Variants in BMP1 observed in about 807,000 individuals in gnomAD.
BMP1 encodes the protein bone morphogenetic protein 1.
In BMP1, 63 loss-of-function variants were observed where a neutral mutation model predicts 116.8. The observed-to-expected ratio is 0.54, with a 90% CI of 0.44 to 0.67. The LOEUF (loss-of-function observed/expected upper bound fraction) is 0.67, where lower values mean the gene tolerates loss of function less well. Ranked by LOEUF, BMP1 falls within the 30% of genes least tolerant of loss-of-function variation. The probability of loss-of-function intolerance (pLI) is 0.00; values close to 1 mark genes in which losing one functional copy is unlikely to be tolerated. For synonymous variants in BMP1, 536 were observed against 533.4 expected, an observed-to-expected ratio of 1.00 and a Z score of -0.07; for missense variants, 1,183 against 1,358.9, an observed-to-expected ratio of 0.87 and a Z score of 2.04.
Position 22,207,384 on chromosome 8 carries a change from GC to G in BMP1, c.2448del (p.Val817SerfsTer52). ...LEVFDGRDAK[A>X]PVLGRFCGSK... Reference sequence around the variant, plus strand: ...GGTGTTCGACGGGCGAGACGCCAAGGCCCCCGTCCTCGGCCGCTTCTGTGGG... The same window carrying G: ...GGTGTTCGACGGGCGAGACGCCAAGGCCCCGTCCTCGGCCGCTTCTGTGGG... On this transcript the variant is annotated frameshift_variant, in exon 18 of 20. Coordinates refer to ENST00000306385, the MANE Select transcript of BMP1 (RefSeq NM_006129.5). LOFTEE classifies it high-confidence loss of function. The G allele has an allele frequency of 1.2e-6, 2 of 1,614,188 alleles. No homozygotes were observed. Among genetic ancestry groups the G allele is most frequent in the Non-Finnish European group, 1.7e-6 (2 of 1,180,018 alleles).
intron 1 of BMP1, among the ~76,000 whole-genome samples, chr8:22,168,767 A>C (rs886506823): frequency 6.7e-6 from 1 of 149,596 alleles, no homozygotes; most frequent in African/African-American, 2.4e-5. Flanking sequence ...CCTGCCCCTG[A>C]GTCACCTTCT....
In BMP1 at chr8:22,176,145, C is replaced by T; in HGVS notation, c.265C>T (p.Pro89Ser). Reference protein sequence around the residue: ...ARKSSIKAAVPGNTSTPSCQS... With the variant: ...ARKSSIKAAVSGNTSTPSCQS... ...GTCACCATGACTTCCTCTCTCAGTT[C>T]CAGGAAACACTTCTACCCCCAGCTG... The change falls in exon 3 of 20, where the codon CCA (proline) becomes TCA (serine). Residue 89 changes from proline to serine, a missense_variant and splice_region_variant. By Grantham distance (74) the Pro-to-Ser change is moderately conservative. Around this residue, in one of 4 missense-constraint regions of BMP1, gnomAD observed 185 missense variants for 158.9 expected, o/e 1.16. Coordinates refer to ENST00000306385, the MANE Select transcript of BMP1 (RefSeq NM_006129.5). 1.2e-6 allele frequency: 2 copies of T among 1,614,058 alleles called. No individual in the cohort carries two copies. The highest frequency in any genetic ancestry group is 1.7e-6 in the Non-Finnish European group (2 of 1,179,998).
intron 5 of BMP1, 30 bp downstream of exon 5, chr8:22,177,169 G>C (rs1166015600): frequency 3.2e-6 from 5 of 1,556,134 alleles, no homozygotes; most frequent in Non-Finnish European, 4.4e-6. Context: ...TGCGGCCTTG[G>C]TGGGCGGCTC....
At position 22,177,205 on chromosome 8, in the gene BMP1, C is replaced by A; in HGVS notation, c.730+66C>A. ...CCGCCCCAGCCCCCACCTCCAGGACCCCTGGGGGCAGTGGCAGCCGCTCCA... is the reference window on the plus strand; with the variant it reads ...CCGCCCCAGCCCCCACCTCCAGGACACCTGGGGGCAGTGGCAGCCGCTCCA... On this transcript the variant is annotated intron_variant, in intron 5 of 19. Transcript: ENST00000306385. 5 of 1,461,758 alleles carry A rather than the reference C, an allele frequency of 3.4e-6. No individual in the cohort carries two copies. The South Asian group carries it at 6.6e-5, about 19-fold the overall frequency. 90.5% of individuals were successfully genotyped at this position (1,461,758 alleles called of 1,614,324 possible).
At chr8:22,196,943 A>ACTCTG in intron 14 of BMP1, 103 bp downstream of exon 14, 1 of 1,390,334 alleles carries the variant, frequency 7.2e-7, no homozygotes, top group Non-Finnish European at 9.7e-7. Flanking sequence ...CGGCAGAAAC[A>ACTCTG]CTCTGCAAAT....
chr8:22,201,268 G>C, intron 15 of BMP1: 1 of 1,553,888 alleles, frequency 6.4e-7, no homozygotes, highest in East Asian at 2.3e-5. Context: ...ATGGGATGGG[G>C]GCTTCGGTGC....
intron 15 of BMP1, among the ~76,000 whole-genome samples, chr8:22,199,875 T>C (rs1395588573): frequency 1.3e-5 from 2 of 152,174 alleles, no homozygotes; most frequent in Non-Finnish European, 2.9e-5. Flanking sequence ...CTCCACCTCT[T>C]GGCCTGGTTC....
chr8:22,202,066 A>C, intron 16 of BMP1, 138 bp downstream of exon 16: 1 of 1,275,878 alleles, frequency 7.8e-7, no homozygotes, highest in Non-Finnish European at 1.1e-6. Flanking sequence ...TCCCCCACCC[A>C]CCTGGTACAT....
chr8:22,172,662 G>A (rs1255075470), intron 1 of BMP1, among the ~76,000 whole-genome samples: 25 of 139,552 alleles, frequency 1.8e-4, no homozygotes, highest in African/African-American at 6.6e-4. Context: ...GCCCAGGCTG[G>A]ATTGCAGTGG....
At chr8:22,181,879 C>T (rs192753182) in intron 8 of BMP1, among the ~76,000 whole-genome samples, 31 of 152,264 alleles carry the variant, frequency 2.0e-4, no homozygotes, top group Admixed American at 1.1e-3. Context: ...AATGTTACAA[C>T]GTCTCTTCTT....
At chr8:22,196,181 G>A (rs554191930) in intron 13 of BMP1, 2 of 522,248 alleles carry the variant, frequency 3.8e-6, no homozygotes, top group African/African-American at 3.8e-5. Flanking sequence ...CACCCACCAG[G>A]GTGTTATGAT....
intron 8 of BMP1, among the ~76,000 whole-genome samples, chr8:22,181,318 C>G (rs942805637): frequency 1.3e-5 from 2 of 152,162 alleles, no homozygotes; most frequent in African/African-American, 2.4e-5. Context: ...ACTACGGGAT[C>G]GGGTCAGAGC....
At chr8:22,177,727 C>A (rs1335741197) in intron 5 of BMP1, 125 bp from the exon 6 acceptor site, 5 of 804,782 alleles carry the variant, frequency 6.2e-6, no homozygotes, top group South Asian at 1.4e-5. Flanking sequence ...CTCCCCGGAC[C>A]CTCAGGTAGG....
intron 8 of BMP1, among the ~76,000 whole-genome samples, chr8:22,187,332 T>TATTA (rs1411489851): frequency 2.0e-5 from 3 of 148,950 alleles, no homozygotes; most frequent in African/African-American, 7.4e-5. Context: ...TTAATTAATT[T>TATTA]ATTTATTTAT....
At chr8:22,211,479 G>A in intron 19 of BMP1, 115 bp from the exon 20 acceptor site, 1 of 1,421,054 alleles carries the variant, frequency 7.0e-7, no homozygotes, top group Admixed American at 1.8e-5. Flanking sequence ...GGGGCGGGGA[G>A]AATCTGGTGG....
Position 22,196,746 on chromosome 8 carries a change from ACC to A in BMP1, c.1838_1839del (p.Pro613GlnfsTer21). 6.2e-7 allele frequency: 1 copy of A among 1,611,536 alleles called. No homozygotes were observed. The highest frequency in any genetic ancestry group is 8.5e-7 in the Non-Finnish European group (1 of 1,179,290). ...ACCAGCCCGGGCTGGCCCAAGGAGT[ACC>A]CCCCCAACAAGAACTGCATCTGGCA... is the stretch of plus-strand genomic sequence containing the variant. On this transcript the variant is annotated frameshift_variant, in exon 14 of 20. Coordinates refer to ENST00000306385, the MANE Select transcript of BMP1 (RefSeq NM_006129.5). LOFTEE classifies it high-confidence loss of function.
chr8:22,167,672 C>T (rs921402522), intron 1 of BMP1, among the ~76,000 whole-genome samples: 2 of 152,194 alleles, frequency 1.3e-5, no homozygotes, highest in Non-Finnish European at 2.9e-5. Flanking sequence ...AGCACTCCAA[C>T]TGGGTGAAGT....
intron 15 of BMP1, chr8:22,199,486 G>A (rs1474305531): frequency 1.8e-6 from 2 of 1,119,888 alleles, no homozygotes; most frequent in Non-Finnish European, 2.2e-6. Flanking sequence ...GCCCACTCCT[G>A]CCCCGGACAC....
intron 8 of BMP1, among the ~76,000 whole-genome samples, chr8:22,189,202 A>T (rs1023538535): frequency 6.6e-6 from 1 of 152,038 alleles, no homozygotes; most frequent in African/African-American, 2.4e-5. Flanking sequence ...CTAGGTATAT[A>T]TGTGCATGTA....
Sources: gnomAD v4.1 joint callset for allele counts (sites outside exome capture counted in the v4.1 genomes callset) on GRCh38, gnomAD v4.1.1 for gene constraint, gnomAD v4.1.1 regional missense constraint, MANE v1.5 for transcripts, NCBI Gene and HGNC (gene_info 2026-07-23, HGNC 2026-07-21) for gene names.